The following NKAIN2 variants were observed in gnomAD, a reference collection of about 807,000 sequenced individuals.
NKAIN2 encodes sodium/potassium transporting ATPase interacting 2, also known as sodium/potassium-transporting ATPase subunit beta-1-interacting protein 2.
NKAIN2 carries 14 observed loss-of-function variants against 32.6 expected under a neutral mutation model. That is an observed-to-expected ratio of 0.43 (90% CI 0.28 to 0.67). The LOEUF (loss-of-function observed/expected upper bound fraction) is 0.67, where lower values mean the gene tolerates loss of function less well. NKAIN2 is among the 30% of genes least tolerant of loss of function. NKAIN2 has a pLI of 0.17. For synonymous variants in NKAIN2, 80 were observed against 87.2 expected, an observed-to-expected ratio of 0.92 and a Z score of 0.46; for missense variants, 198 against 258.3, an observed-to-expected ratio of 0.77 and a Z score of 1.60.
At chr6:124,167,680 T>C (rs1222409612) in intron 1 of NKAIN2, among the ~76,000 whole-genome samples, 1 of 152,208 alleles carries the variant, frequency 6.6e-6, no homozygotes, top group African/African-American at 2.4e-5. Context: ...CTTATTATTT[T>C]GAGATATGTC....
chr6:124,236,559 G>A (rs1401886184), intron 1 of NKAIN2, among the ~76,000 whole-genome samples: 2 of 152,138 alleles, frequency 1.3e-5, no homozygotes, highest in African/African-American at 4.8e-5. Flanking sequence ...AAGAAATAAT[G>A]CAAATGAGGC....
intron 1 of NKAIN2, among the ~76,000 whole-genome samples, chr6:124,212,713 G>C (rs1056776680): frequency 3.2e-4 from 49 of 151,990 alleles, no homozygotes; most frequent in African/African-American, 1.1e-3. Flanking sequence ...AGCATTCGTT[G>C]TTCTTCTAAA....
chr6:124,737,263 C>A (rs887870410), intron 4 of NKAIN2, among the ~76,000 whole-genome samples: 4 of 151,776 alleles, frequency 2.6e-5, no homozygotes, highest in Admixed American at 2.0e-4. Context: ...ATGGTTACCT[C>A]CATGCTGCTG....
At chr6:124,338,321 A>C (rs1797966301) in intron 2 of NKAIN2, among the ~76,000 whole-genome samples, 1 of 152,208 alleles carries the variant, frequency 6.6e-6, no homozygotes, top group Non-Finnish European at 1.5e-5. Flanking sequence ...AACAATTAGT[A>C]ATTTAAACTC....
Position 124,433,667 on chromosome 6 carries a change from G to A in NKAIN2, c.273+78320G>A, listed in dbSNP as rs117090934. On this transcript the variant is annotated intron_variant, in intron 3 of 6. Coordinates refer to ENST00000368417, the MANE Select transcript of NKAIN2 (RefSeq NM_001040214.3). ...GATTTACTAGCTGGGGAATGGGAAG[G>A]GGGCTGAGATTTGGTGCCAGGTGAA... Among the ~76,000 whole-genome samples the A allele has an allele frequency of 7.2e-4, 109 of 152,224 alleles. No homozygotes were observed. The East Asian group carries it at 0.017, about 24-fold the overall frequency.
At chr6:124,465,892 A>G (rs1776733742) in intron 3 of NKAIN2, among the ~76,000 whole-genome samples, 1 of 152,166 alleles carries the variant, frequency 6.6e-6, no homozygotes, top group African/African-American at 2.4e-5. Context: ...AACTTCATAA[A>G]TAGATGAGTT....
At chr6:124,620,823 ATTCTC>A in intron 3 of NKAIN2, among the ~76,000 whole-genome samples, 1 of 152,338 alleles carries the variant, frequency 6.6e-6, no homozygotes, top group East Asian at 1.9e-4. Flanking sequence ...CTAAAAAGAT[ATTCTC>A]TTAACTCCTG....
At chr6:124,557,306 A>G (rs1780511810) in intron 3 of NKAIN2, among the ~76,000 whole-genome samples, 1 of 152,200 alleles carries the variant, frequency 6.6e-6, no homozygotes, top group African/African-American at 2.4e-5. Context: ...TTCAAAGTAC[A>G]AAAAAGTAGA....
intron 1 of NKAIN2, among the ~76,000 whole-genome samples, chr6:123,947,477 C>A (rs897633879): frequency 6.6e-6 from 1 of 152,150 alleles, no homozygotes; most frequent in East Asian, 1.9e-4. Flanking sequence ...CTGTATACCA[C>A]CAGAATATAT....
intron 5 of NKAIN2, among the ~76,000 whole-genome samples, chr6:124,793,038 A>T (rs1391034795): frequency 6.6e-6 from 1 of 152,134 alleles, no homozygotes. Context: ...TAGTTAAGAC[A>T]CCATGAAAGT....
intron 1 of NKAIN2, among the ~76,000 whole-genome samples, chr6:123,870,415 T>C (rs1194626431): frequency 3.3e-5 from 5 of 152,076 alleles, no homozygotes; most frequent in Non-Finnish European, 2.9e-5. Context: ...TTGCAAGCCA[T>C]TTAGATTTCT....
chr6:124,665,550 G>A (rs1772757429), intron 4 of NKAIN2, among the ~76,000 whole-genome samples: 1 of 152,120 alleles, frequency 6.6e-6, no homozygotes. Flanking sequence ...TTGTTTAAAG[G>A]ATTACCATGA....
At chr6:124,284,741 C>G (rs2114926741) in intron 2 of NKAIN2, among the ~76,000 whole-genome samples, 1 of 151,790 alleles carries the variant, frequency 6.6e-6, no homozygotes, top group African/African-American at 2.4e-5. Flanking sequence ...TAAAAAGCCC[C>G]CAATAAATAT....
chr6:124,164,678 G>A (rs12205142), intron 1 of NKAIN2, among the ~76,000 whole-genome samples: 6,954 of 151,910 alleles, frequency 0.046, 237 homozygotes, highest in Middle Eastern at 0.092. Flanking sequence ...ATTGCTACTC[G>A]GGTAGACCAT....
chr6:123,891,636 C>T lies in NKAIN2; in HGVS notation c.54+87382C>T, dbSNP rs140864075. ...TGTAAAGTTGTGATAAACCAACTGA[C>T]TGCAGCCATTCTTTTAAAACAAAAT... On this transcript the variant is annotated intron_variant, in intron 1 of 6. Coordinates refer to ENST00000368417, the MANE Select transcript of NKAIN2 (RefSeq NM_001040214.3). 1.2e-4 allele frequency among the ~76,000 whole-genome samples: 19 copies of T among 152,300 alleles called. No homozygotes were observed. In the East Asian group the frequency reaches 1.9e-3, roughly 15 times the overall value.
At chr6:124,004,177 A>G (rs1582913831) in intron 1 of NKAIN2, among the ~76,000 whole-genome samples, 1 of 152,192 alleles carries the variant, frequency 6.6e-6, no homozygotes, top group East Asian at 1.9e-4. Flanking sequence ...TCTGAATGCT[A>G]TTCTGATCTC....
chr6:123,871,999 C>G (rs1282780441), intron 1 of NKAIN2, among the ~76,000 whole-genome samples: 1 of 152,096 alleles, frequency 6.6e-6, no homozygotes, highest in Non-Finnish European at 1.5e-5. Flanking sequence ...ATTGACATGC[C>G]CCTTCCAATT....
intron 3 of NKAIN2, among the ~76,000 whole-genome samples, chr6:124,454,439 T>A (rs1478750771): frequency 6.6e-6 from 1 of 152,020 alleles, no homozygotes; most frequent in Non-Finnish European, 1.5e-5. Context: ...TGCTCTAAAA[T>A]ATAAACATGC....
chr6:124,216,230 G>A (rs1233373135), intron 1 of NKAIN2, among the ~76,000 whole-genome samples: 1 of 151,864 alleles, frequency 6.6e-6, no homozygotes, highest in Non-Finnish European at 1.5e-5. Flanking sequence ...AAAAAATTAA[G>A]GTTTGAAAAC....
Sources: allele counts gnomAD v4.1 joint callset (sites outside exome capture counted in the v4.1 genomes callset), GRCh38; gene constraint gnomAD v4.1.1; transcripts MANE v1.5; gene names NCBI Gene and HGNC (gene_info 2026-07-23, HGNC 2026-07-21).